The following TANC2 variants were observed in gnomAD, a reference collection of about 807,000 sequenced individuals.
TANC2 encodes the protein protein TANC2.
A neutral mutation model predicts 210.5 loss-of-function variants in TANC2; 26 were observed. The observed-to-expected ratio is 0.12, with a 90% CI of 0.09 to 0.17. TANC2 has a LOEUF of 0.17. Ranked by LOEUF, TANC2 falls within the 10% of genes least tolerant of loss-of-function variation. The pLI, the probability that TANC2 is intolerant of heterozygous loss-of-function variation, is 1.00. For synonymous variants in TANC2, 931 were observed against 967.1 expected, an observed-to-expected ratio of 0.96 and a Z score of 0.69; for missense variants, 2,129 against 2,608.9, an observed-to-expected ratio of 0.82 and a Z score of 4.01.
Position 63,159,402 on chromosome 17 carries a change from A to G in TANC2, c.433+8022A>G, listed in dbSNP as rs575455689. Among the ~76,000 whole-genome samples, 9 of 152,330 alleles carry G rather than the reference A, an allele frequency of 5.9e-5. No individual in the cohort carries two copies. The South Asian group carries it at 1.2e-3, about 21-fold the overall frequency. On this transcript the variant is annotated intron_variant, in intron 5 of 27. Coordinates refer to ENST00000689528, the Ensembl canonical transcript of TANC2. ...AGCTCTTATTTAAAAAGTTATCCGTATTATATAAAATATCAACTAAGCTAA... is the reference window on the plus strand; with the variant it reads ...AGCTCTTATTTAAAAAGTTATCCGTGTTATATAAAATATCAACTAAGCTAA...
At chr17:63,079,164 G>C (rs2036677396) in intron 3 of TANC2, among the ~76,000 whole-genome samples, 2 of 152,182 alleles carry the variant, frequency 1.3e-5, no homozygotes, top group Non-Finnish European at 2.9e-5. Context: ...AAAGGTAAAA[G>C]AAGAAAAAGC....
chr17:63,398,162 G>A (rs778660230), intron 18 of TANC2, among the ~76,000 whole-genome samples: 10 of 152,120 alleles, frequency 6.6e-5, no homozygotes, highest in Admixed American at 1.3e-4. Flanking sequence ...AGGAAACACA[G>A]GGCCAGATGC....
chr17:63,259,165 G>C (rs2146213280), intron 8 of TANC2, among the ~76,000 whole-genome samples: 1 of 152,294 alleles, frequency 6.6e-6, no homozygotes, highest in African/African-American at 2.4e-5. Flanking sequence ...TCTTCCTGCG[G>C]CCCTATTCTA....
At chr17:63,152,721 T>C (rs562800606) in intron 5 of TANC2, 49 of 152,260 alleles carry the variant, frequency 3.2e-4, no homozygotes, top group Non-Finnish European at 6.2e-4. Context: ...GTGCTAATTT[T>C]CTATCCCTTT....
chr17:63,016,789 CTT>C lies in TANC2; in HGVS notation c.67+7166_67+7167del, dbSNP rs1374379563. On this transcript the variant is annotated intron_variant, in intron 2 of 27. Coordinates refer to ENST00000689528, the Ensembl canonical transcript of TANC2. Reference sequence around the variant, plus strand: ...GTATCTCATTGTGGTTTTGACTTGACTTTTCCCTAATGATTAGTGATATTGAG... The same window carrying C: ...GTATCTCATTGTGGTTTTGACTTGACTTCCCTAATGATTAGTGATATTGAG... Among the ~76,000 whole-genome samples the C allele has an allele frequency of 3.3e-5, 5 of 152,026 alleles. No homozygotes were observed. In the East Asian group the frequency reaches 5.8e-4, roughly 18 times the overall value.
intron 22 of TANC2, 112 bp downstream of exon 22, chr17:63,411,798 T>C: frequency 6.9e-7 from 1 of 1,442,760 alleles, no homozygotes; most frequent in Non-Finnish European, 9.4e-7. Flanking sequence ...TACAGAGCTC[T>C]CAGATCTATA....
intron 8 of TANC2, among the ~76,000 whole-genome samples, chr17:63,240,102 A>G (rs2042733891): frequency 6.6e-6 from 1 of 152,208 alleles, no homozygotes; most frequent in South Asian, 2.1e-4. Flanking sequence ...TACATTATGA[A>G]AAGTTCCAGG....
At chr17:63,311,568 A>G (rs972774872) in intron 9 of TANC2, among the ~76,000 whole-genome samples, 20 of 152,330 alleles carry the variant, frequency 1.3e-4, no homozygotes, top group African/African-American at 4.3e-4. Flanking sequence ...AAATAGAGGA[A>G]ACAGTTGGGC....
rs2033032628 is a variant in TANC2 at position 62,994,836 on chromosome 17, T to C, written c.-23-14701T>C. Among the ~76,000 whole-genome samples, 2 of 152,260 alleles carry C rather than the reference T, an allele frequency of 1.3e-5. 1 individual carries two copies. The highest frequency in any genetic ancestry group is 1.3e-4 in the Admixed American group (2 of 15,288). On this transcript the variant is annotated intron_variant, in intron 1 of 27. Coordinates refer to ENST00000689528, the Ensembl canonical transcript of TANC2. ...TACTGCCATCTGTCTTTTTGCATTCTTCTTCTGATAAAATAATTGTGATAC... is the reference window on the plus strand; with the variant it reads ...TACTGCCATCTGTCTTTTTGCATTCCTCTTCTGATAAAATAATTGTGATAC...
chr17:63,411,356 T>G (rs1464172462), intron 21 of TANC2, among the ~76,000 whole-genome samples, 155 bp from the exon 22 acceptor site: 1 of 152,218 alleles, frequency 6.6e-6, no homozygotes, highest in African/African-American at 2.4e-5. Flanking sequence ...CTTTTAACAG[T>G]TGAGATACAA....
chr17:63,425,851 C>T (rs2049130452), exon 28 of TANC2: 1 of 152,272 alleles, frequency 6.6e-6, no homozygotes, highest in Non-Finnish European at 1.5e-5. Context: ...GGAGAAGCCC[C>T]TTCTTCCCCA....
chr17:63,210,942 G>A (rs1264931699), intron 7 of TANC2, among the ~76,000 whole-genome samples: 1 of 151,594 alleles, frequency 6.6e-6, no homozygotes, highest in Non-Finnish European at 1.5e-5. Flanking sequence ...TTTTATAATG[G>A]CATCCCTACC....
intron 7 of TANC2, among the ~76,000 whole-genome samples, chr17:63,232,506 C>T (rs2042503738): frequency 6.6e-6 from 1 of 152,204 alleles, no homozygotes; most frequent in African/African-American, 2.4e-5. Flanking sequence ...TAACAGTCTC[C>T]TTCCATAGGG....
chr17:62,985,889 T>C (rs1410591611), intron 1 of TANC2, among the ~76,000 whole-genome samples: 1 of 152,206 alleles, frequency 6.6e-6, no homozygotes, highest in Non-Finnish European at 1.5e-5. Context: ...TGGAGAATTA[T>C]TATATTTCTT....
intron 5 of TANC2, among the ~76,000 whole-genome samples, chr17:63,183,154 C>T (rs1448321517): frequency 2.6e-5 from 4 of 152,202 alleles, no homozygotes. Context: ...AACCTTGACT[C>T]TTGAGTAGTG....
At chr17:63,085,495 T>G (rs2036926855) in intron 3 of TANC2, among the ~76,000 whole-genome samples, 1 of 152,114 alleles carries the variant, frequency 6.6e-6, no homozygotes, top group Admixed American at 6.5e-5. Context: ...CCTTTTTTAG[T>G]GGCTGCCTAA....
chr17:63,276,692 A>G (rs1360970793), intron 9 of TANC2, among the ~76,000 whole-genome samples: 1 of 152,014 alleles, frequency 6.6e-6, no homozygotes, highest in Admixed American at 6.6e-5. Flanking sequence ...CCCCTTTTTT[A>G]TCCCCACATT....
intron 3 of TANC2, among the ~76,000 whole-genome samples, chr17:63,074,263 A>AT (rs1439124207): frequency 1.3e-5 from 2 of 151,994 alleles, no homozygotes; most frequent in African/African-American, 4.8e-5. Context: ...GCATTATGGT[A>AT]TATATCTGGA....
intron 4 of TANC2, among the ~76,000 whole-genome samples, chr17:63,133,660 G>T (rs4968753): frequency 0.6 from 91,074 of 151,968 alleles, 29,768 homozygotes; most frequent in African/African-American, 0.86. Context: ...AACTATGTTT[G>T]CAAGGAATTT....
Sources: allele counts gnomAD v4.1 joint callset (sites outside exome capture counted in the v4.1 genomes callset), GRCh38; gene constraint gnomAD v4.1.1; transcripts MANE v1.5; gene names NCBI Gene and HGNC (gene_info 2026-07-23, HGNC 2026-07-21).